DOCK3: variants seen among roughly 807,000 people sequenced by gnomAD.
DOCK3 encodes the protein dedicator of cytokinesis 3, also known as dedicator of cytokinesis protein 3.
A neutral mutation model predicts 265.6 loss-of-function variants in DOCK3; 60 were observed. The ratio of observed to expected loss-of-function variants is 0.23; its 90% CI spans 0.18 to 0.28. The LOEUF (loss-of-function observed/expected upper bound fraction) is 0.28, where lower values mean the gene tolerates loss of function less well. Among genes scored for constraint, DOCK3 ranks in the 10% least tolerant of loss-of-function variants. The pLI is 1.00. For synonymous variants in DOCK3, 881 were observed against 938.0 expected (o/e 0.94, Z 1.11); for missense variants, 1,981 against 2,594.3 (o/e 0.76, Z 5.14).
chr3:50,974,537 C>CT (rs933890266), intron 5 of DOCK3, among the ~76,000 whole-genome samples: 42 of 151,896 alleles, frequency 2.8e-4, no homozygotes, highest in African/African-American at 9.9e-4. Context: ...GTTTTGGTTA[C>CT]TGTAGCCTTG....
chr3:50,869,164 C>T (rs1284905217), intron 3 of DOCK3, among the ~76,000 whole-genome samples: 3 of 150,090 alleles, frequency 2.0e-5, no homozygotes, highest in Middle Eastern at 3.4e-3. Flanking sequence ...TCAGTAGAGA[C>T]GGGGTTTCAC....
intron 49 of DOCK3, among the ~76,000 whole-genome samples, chr3:51,372,213 G>C (rs58807639): frequency 6.6e-6 from 1 of 152,174 alleles, no homozygotes; most frequent in African/African-American, 2.4e-5. Context: ...TAAGTAATTC[G>C]TTGACACTGG....
At chr3:50,945,302 A>T (rs577550345) in intron 5 of DOCK3, among the ~76,000 whole-genome samples, 143 of 152,260 alleles carry the variant, frequency 9.4e-4, no homozygotes, top group African/African-American at 3.3e-3. Context: ...GTGGGTATGT[A>T]TGATGAAGTT....
At chr3:50,762,604 G>A (rs1336390083) in intron 1 of DOCK3, among the ~76,000 whole-genome samples, 1 of 152,100 alleles carries the variant, frequency 6.6e-6, no homozygotes, top group African/African-American at 2.4e-5. Context: ...AATGGAAGTA[G>A]TTTTGTACCC....
In DOCK3 at chr3:51,303,396, T is replaced by G. The variant is rs573275009; in HGVS notation, c.2923-6836T>G. 2.6e-5 allele frequency among the ~76,000 whole-genome samples: 4 copies of G among 152,350 alleles called. No individual in the cohort carries two copies. In the South Asian group the frequency reaches 8.3e-4, roughly 32 times the overall value. ...GAGAAGTTTGTTATTACGCACCTTC[T>G]GAAGCCTACTTCTGTCAATTCATTC... On this transcript the variant is annotated intron_variant, in intron 27 of 52. Transcript: ENST00000266037.
At chr3:51,215,621 C>CCT (rs2089739328) in intron 14 of DOCK3, among the ~76,000 whole-genome samples, 1 of 152,164 alleles carries the variant, frequency 6.6e-6, no homozygotes, top group African/African-American at 2.4e-5. Context: ...GTAGCTTGGG[C>CCT]ATAGAGAAGG....
chr3:50,712,089 G>A (rs1037192668), intron 1 of DOCK3, among the ~76,000 whole-genome samples: 3 of 152,082 alleles, frequency 2.0e-5, no homozygotes, highest in Admixed American at 2.0e-4. Flanking sequence ...CTAAAGGCCT[G>A]TCACATTTAT....
chr3:51,247,722 C>CCTAGGGG (rs2078906463), intron 22 of DOCK3, among the ~76,000 whole-genome samples: 6 of 152,196 alleles, frequency 3.9e-5, no homozygotes, highest in Admixed American at 3.9e-4. Flanking sequence ...CATACAAATG[C>CCTAGGGG]CTACTGAGCA....
At chr3:50,809,048 A>G (rs2043586766) in intron 2 of DOCK3, among the ~76,000 whole-genome samples, 1 of 152,212 alleles carries the variant, frequency 6.6e-6, no homozygotes. Flanking sequence ...GGTGTATACA[A>G]AGATCTTTTA....
At chr3:51,327,092 T>C (rs1317314651) in intron 32 of DOCK3, among the ~76,000 whole-genome samples, 1 of 152,176 alleles carries the variant, frequency 6.6e-6, no homozygotes, top group East Asian at 1.9e-4. Flanking sequence ...CAGACTACCT[T>C]TTCTGTGTAT....
At chr3:50,775,598 T>G (rs2041542521) in intron 1 of DOCK3, among the ~76,000 whole-genome samples, 1 of 152,138 alleles carries the variant, frequency 6.6e-6, no homozygotes, top group African/African-American at 2.4e-5. Context: ...GCGTTTCTTC[T>G]TATTTTTTTC....
intron 5 of DOCK3, among the ~76,000 whole-genome samples, chr3:51,061,469 A>C (rs2081405883): frequency 6.6e-6 from 1 of 151,914 alleles, no homozygotes. Context: ...AGGACAAAAA[A>C]CCAAACACCG....
intron 9 of DOCK3, among the ~76,000 whole-genome samples, chr3:51,139,827 G>A (rs2084967116): frequency 6.6e-6 from 1 of 152,216 alleles, no homozygotes; most frequent in South Asian, 2.1e-4. Flanking sequence ...AGCCACTTGG[G>A]CTGAAAGAAC....
chr3:51,171,034 G>A (rs569523974), intron 12 of DOCK3, among the ~76,000 whole-genome samples: 4 of 150,056 alleles, frequency 2.7e-5, no homozygotes, highest in Non-Finnish European at 5.9e-5. Flanking sequence ...TGTCTTTCTC[G>A]TCTCTATTTC....
intron 9 of DOCK3, among the ~76,000 whole-genome samples, chr3:51,143,946 A>G (rs1026610340): frequency 2.6e-5 from 4 of 152,248 alleles, no homozygotes; most frequent in African/African-American, 7.2e-5. Context: ...AACAAGATAT[A>G]CAAGATACTT....
chr3:51,195,945 G>A (rs1472598123), intron 12 of DOCK3, among the ~76,000 whole-genome samples: 1 of 149,484 alleles, frequency 6.7e-6, no homozygotes, highest in Non-Finnish European at 1.5e-5. Flanking sequence ...GTTGTTTTTT[G>A]TTTTTTTTGA....
intron 25 of DOCK3, chr3:51,276,196 G>C (rs1176790871): frequency 1.1e-5 from 2 of 185,932 alleles, no homozygotes; most frequent in Admixed American, 1.3e-4. Context: ...AACTTAAAGT[G>C]CCATCTGGTG....
intron 5 of DOCK3, among the ~76,000 whole-genome samples, chr3:51,060,694 A>G (rs929025031): frequency 1.1e-4 from 16 of 152,326 alleles, no homozygotes; most frequent in African/African-American, 3.6e-4. Flanking sequence ...GTCAAAGATC[A>G]GATGGTTGTA....
chr3:50,761,907 C>T (rs2040554761), intron 1 of DOCK3, among the ~76,000 whole-genome samples: 1 of 152,172 alleles, frequency 6.6e-6, no homozygotes, highest in Non-Finnish European at 1.5e-5. Context: ...ACATATACAA[C>T]ACGGAATACT....
Sources: gnomAD v4.1 joint callset for allele counts (sites outside exome capture counted in the v4.1 genomes callset) on GRCh38, gnomAD v4.1.1 for gene constraint, MANE v1.5 for transcripts, NCBI Gene and HGNC (gene_info 2026-07-23, HGNC 2026-07-21) for gene names.